ZNF26: variants seen among roughly 807,000 people sequenced by gnomAD.
ZNF26 encodes the protein zinc finger protein 26.
Under a neutral mutation model 54.9 loss-of-function variants are expected in ZNF26, and 32 were observed. The observed-to-expected ratio is 0.58, with a 90% CI of 0.44 to 0.78. The LOEUF is 0.78. Ranked by LOEUF, ZNF26 falls within the 30% of genes least tolerant of loss-of-function variation. The pLI is 0.00. For missense variants in ZNF26, 524 were observed against 634.0 expected, an observed-to-expected ratio of 0.83 and a Z score of 1.86; for synonymous variants, 221 against 209.2, an observed-to-expected ratio of 1.06 and a Z score of -0.49.
chr12:132,999,027 C>T (rs1355410644), intron 1 of ZNF26, among the ~76,000 whole-genome samples: 8 of 152,168 alleles, frequency 5.3e-5, no homozygotes, highest in Non-Finnish European at 1.0e-4. Flanking sequence ...CAGCAGTCTT[C>T]CAAACAGGAT....
chr12:133,010,295 C>T lies in ZNF26; in HGVS notation c.416C>T (p.Ser139Leu). 1 of 1,613,882 alleles carries T rather than the reference C, an allele frequency of 6.2e-7. No individual in the cohort carries two copies. The highest frequency in any genetic ancestry group is 8.5e-7 in the Non-Finnish European group (1 of 1,179,998). ...CGTGGAAAAAGTTTGACACAAAACT[C>T]AGCTCCAAGCAGAAGTTATTTAAGA... ...NTRGKSLTQN[S>L]APSRSYLRKN... is the part of the protein sequence containing the mutation. Residue 139 changes from serine to leucine, a missense_variant, in exon 4 of 4, where the codon TCA (serine) becomes TTA (leucine). Transcript: ENST00000328654.
At position 133,011,552 on chromosome 12, in the gene ZNF26, G is replaced by A; in HGVS notation, c.*71G>A. On this transcript the variant is annotated 3_prime_UTR_variant, in exon 4 of 4. Coordinates refer to ENST00000328654, the MANE Select transcript of ZNF26 (RefSeq NM_019591.4). ...CGGATAATATAGACAGGATTTACAA[G>A]CAGGAGGCCCTAAAATTACACTCAT... is the stretch of plus-strand genomic sequence containing the variant. The A allele has an allele frequency of 7.0e-7, 1 of 1,432,448 alleles. No homozygotes were observed. The allele number at this position is 1,432,448 out of a possible 1,614,324, so 88.7% of individuals were successfully genotyped here. A position where few individuals can be genotyped will look rare whatever the true frequency, so the allele number is the denominator to read the frequency against.
Position 133,019,187 on chromosome 12 carries a change from A to G in ZNF26, c.*7706A>G, listed in dbSNP as rs1953606891. 1 of 152,198 alleles carries G rather than the reference A, an allele frequency of 6.6e-6. No homozygotes were observed. The highest frequency in any genetic ancestry group is 1.5e-5 in the Non-Finnish European group (1 of 68,032). 9.4% of individuals were successfully genotyped at this position (152,198 alleles called of 1,614,324 possible). On this transcript the variant is annotated 3_prime_UTR_variant, in exon 4 of 4. Transcript: ENST00000328654. ...AAGATGTAACAATTATAAATAGACA[A>G]TTGGGATTACATCAAGCTGGGAAGC...
At position 133,011,511 on chromosome 12, in the gene ZNF26, G is replaced by A. The variant is rs1953472237; in HGVS notation, c.*30G>A. Reference sequence around the variant, plus strand: ...TCAGAATGATGCAATGTGAGAAACTGATGTTCAGGAGACTTCGGATAATAT... The same window carrying A: ...TCAGAATGATGCAATGTGAGAAACTAATGTTCAGGAGACTTCGGATAATAT... On this transcript the variant is annotated 3_prime_UTR_variant, in exon 4 of 4. Coordinates refer to ENST00000328654, the MANE Select transcript of ZNF26 (RefSeq NM_019591.4). 1 of 1,515,958 alleles carries A rather than the reference G, an allele frequency of 6.6e-7. No homozygotes were observed. Among genetic ancestry groups the A allele is most frequent in the Admixed American group, 2.3e-5 (1 of 43,954 alleles). The allele number at this position is 1,515,958 out of a possible 1,614,324, so 93.9% of individuals were successfully genotyped here.
chr12:132,986,938 C>A, intron 1 of ZNF26, 65 bp downstream of exon 1: 2 of 1,516,144 alleles, frequency 1.3e-6, no homozygotes, highest in Non-Finnish European at 9.0e-7. Flanking sequence ...TTAATCTCTT[C>A]AGGGTTACTC....
chr12:132,998,262 G>A (rs368500438), intron 1 of ZNF26, among the ~76,000 whole-genome samples: 1 of 151,842 alleles, frequency 6.6e-6, no homozygotes, highest in Admixed American at 6.6e-5. Flanking sequence ...CGCCTCCCGG[G>A]TTCAAGCGAT....
chr12:133,017,909 T>G lies in ZNF26; in HGVS notation c.*6428T>G, dbSNP rs1326339945. 3 of 152,130 alleles carry G rather than the reference T, an allele frequency of 2.0e-5. No homozygotes were observed. The highest frequency in any genetic ancestry group is 2.0e-4 in the Admixed American group (3 of 15,252). The allele number at this position is 152,130 out of a possible 1,614,324, so 9.4% of individuals were successfully genotyped here. ...CTGTAGTCCCAGCTACTCGGGAGGC[T>G]GAGGCAGGAGAATGGCTTGAACCCA... On this transcript the variant is annotated 3_prime_UTR_variant, in exon 4 of 4. Coordinates refer to ENST00000328654, the MANE Select transcript of ZNF26 (RefSeq NM_019591.4).
In ZNF26 at chr12:133,023,129, A is replaced by C. The variant is rs990173728; in HGVS notation, c.*11648A>C. On this transcript the variant is annotated 3_prime_UTR_variant, in exon 4 of 4. Transcript: ENST00000328654. ...GGGGCTATACAACAGTTTAGATTTT[A>C]AAAAATTATGGGAGAATACTAAGGA... 1 of 152,228 alleles carries C rather than the reference A, an allele frequency of 6.6e-6. No homozygotes were observed. The highest frequency in any genetic ancestry group is 2.4e-5 in the African/African-American group (1 of 41,458). The allele number at this position is 152,228 out of a possible 1,614,324, so 9.4% of individuals were successfully genotyped here.
chr12:133,010,365 T>A lies in ZNF26; in HGVS notation c.486T>A (p.Leu162=). ...ATGGTTATGAAGAACCATATTTTCT[T>A]AAGCATCAAAGAGCTCATAGCATAG... is the stretch of plus-strand genomic sequence containing the variant. ...KFHGYEEPYF[L]KHQRAHSIEK... The change falls in exon 4 of 4, where the codon CTT becomes CTA. Residue 162 remains leucine, a synonymous_variant. Transcript: ENST00000328654. 6.2e-7 allele frequency: 1 copy of A among 1,613,884 alleles called. No homozygotes were observed. The highest frequency in any genetic ancestry group is 8.5e-7 in the Non-Finnish European group (1 of 1,179,960).
rs970704770 is a variant in ZNF26 at position 132,991,269 on chromosome 12, G to A, written c.33+4396G>A. Among the ~76,000 whole-genome samples the A allele has an allele frequency of 1.2e-4, 18 of 148,350 alleles. No individual in the cohort carries two copies. In the Middle Eastern group the frequency reaches 0.011, roughly 94 times the overall value. On this transcript the variant is annotated intron_variant, in intron 1 of 3. Coordinates refer to ENST00000328654, the MANE Select transcript of ZNF26 (RefSeq NM_019591.4). ...TCCCAGCACTTTGGGAGGCCGAGGCGGGTGAATCACGAGGTCAGATGTTCA... is the reference window on the plus strand; with the variant it reads ...TCCCAGCACTTTGGGAGGCCGAGGCAGGTGAATCACGAGGTCAGATGTTCA...
rs1430664294 is a variant in ZNF26, at chr12:133,007,465, C to A, written c.189C>A (p.Ile63=). ...ATCATGGTACCAAGCCTGACTTAATCTTCAAGTTGGAACAAGGAGAAGATC... is the reference window on the plus strand; with the variant it reads ...ATCATGGTACCAAGCCTGACTTAATATTCAAGTTGGAACAAGGAGAAGATC... ...VGYHGTKPDL[I]FKLEQGEDPW... is the part of the protein sequence containing the mutation. The change falls in exon 3 of 4, where the codon ATC becomes ATA. Residue 63 remains isoleucine (I), a synonymous_variant. Coordinates refer to ENST00000328654, the MANE Select transcript of ZNF26 (RefSeq NM_019591.4). 1.9e-6 allele frequency: 3 copies of A among 1,613,862 alleles called. No homozygotes were observed. The East Asian group carries it at 6.7e-5, about 36-fold the overall frequency.
chr12:133,010,327 C>A lies in ZNF26; in HGVS notation c.448C>A (p.Pro150Thr), dbSNP rs1469207577. ...AAGCAGAAGTTATTTAAGAAAGAAT[C>A]CTGATAAGTTTCATGGTTATGAAGA... ...APSRSYLRKNPDKFHGYEEPY... is the reference protein window; with the variant it reads ...APSRSYLRKNTDKFHGYEEPY... The change falls in exon 4 of 4, where the codon CCT becomes ACT. Residue 150 changes from proline (P) to threonine (T), a missense_variant. Transcript: ENST00000328654. 1 of 1,613,724 alleles carries A rather than the reference C, an allele frequency of 6.2e-7. No individual in the cohort carries two copies.
intron 1 of ZNF26, among the ~76,000 whole-genome samples, chr12:132,997,342 G>A (rs995500173): frequency 1.3e-5 from 2 of 152,164 alleles, no homozygotes; most frequent in African/African-American, 4.8e-5. Context: ...GAGCTTCCAA[G>A]ATGGAGTCCA....
At chr12:132,989,876 A>G (rs1283551840) in intron 1 of ZNF26, among the ~76,000 whole-genome samples, 1 of 152,354 alleles carries the variant, frequency 6.6e-6, no homozygotes, top group African/African-American at 2.4e-5. Context: ...ACAGTTAAGT[A>G]TGATGTTAGT....
chr12:132,992,179 C>G (rs1952979122), intron 1 of ZNF26, among the ~76,000 whole-genome samples: 2 of 152,150 alleles, frequency 1.3e-5, no homozygotes, highest in Admixed American at 1.3e-4. Context: ...TGTTTCTGAC[C>G]TGTATTTTCC....
intron 1 of ZNF26, among the ~76,000 whole-genome samples, chr12:132,997,950 G>C (rs918769187): frequency 2.0e-5 from 3 of 152,230 alleles, no homozygotes; most frequent in African/African-American, 7.2e-5. Flanking sequence ...CCAAATTATA[G>C]GCAAATAATA....
intron 1 of ZNF26, among the ~76,000 whole-genome samples, chr12:132,991,508 TA>T (rs1348270333): frequency 6.7e-6 from 1 of 148,258 alleles, no homozygotes; most frequent in Non-Finnish European, 1.5e-5. Context: ...AACAACAAAA[TA>T]AAAATAGCTA....
Position 133,010,500 on chromosome 12 carries a change from T to A in ZNF26, c.621T>A (p.Cys207Ter). ...TGERPYECSK[C>*]ERAFSAKSNL... Reference sequence around the variant, plus strand: ...AGAGACCTTATGAATGCAGTAAATGTGAAAGAGCCTTCAGTGCCAAGTCAA... The same window carrying A: ...AGAGACCTTATGAATGCAGTAAATGAGAAAGAGCCTTCAGTGCCAAGTCAA... Residue 207 changes from cysteine to a stop codon, truncating the protein, a stop_gained, in exon 4 of 4, where the codon TGT becomes TGA. Transcript: ENST00000328654. LOFTEE classifies it high-confidence loss of function. 1 of 1,614,102 alleles carries A rather than the reference T, an allele frequency of 6.2e-7. No homozygotes were observed. The highest frequency in any genetic ancestry group is 2.2e-5 in the East Asian group (1 of 44,882).
In ZNF26 at chr12:133,019,338, A is replaced by G. The variant is rs1953608551; in HGVS notation, c.*7857A>G. 1 of 120,120 alleles carries G rather than the reference A, an allele frequency of 8.3e-6. No individual in the cohort carries two copies. Among genetic ancestry groups the G allele is most frequent in the African/African-American group, 3.1e-5 (1 of 32,494 alleles). 7.4% of individuals were successfully genotyped at this position (120,120 alleles called of 1,614,324 possible). ...ATACAGGGAGCTCAAACAACTCTAT[A>G]GCAAAAACAAAGAAAAATAACAAAA... is the stretch of plus-strand genomic sequence containing the variant. On this transcript the variant is annotated 3_prime_UTR_variant, in exon 4 of 4. Transcript: ENST00000328654.
Sources: allele counts gnomAD v4.1 joint callset (sites outside exome capture counted in the v4.1 genomes callset), GRCh38; gene constraint gnomAD v4.1.1; transcripts MANE v1.5; gene names NCBI Gene and HGNC (gene_info 2026-07-23, HGNC 2026-07-21).